The following PPFIBP1 variants were observed in gnomAD, a reference collection of about 807,000 sequenced individuals.
The protein encoded by PPFIBP1 is liprin-beta-1.
A neutral mutation model predicts 137.8 loss-of-function variants in PPFIBP1; 112 were observed. The ratio of observed to expected loss-of-function variants is 0.81; its 90% confidence interval spans 0.70 to 0.95. The LOEUF (loss-of-function observed/expected upper bound fraction) is 0.95. Ranked by LOEUF, PPFIBP1 falls within the 40% of genes least tolerant of loss-of-function variation. The pLI is 0.00. For missense variants in PPFIBP1, 1,083 were observed against 1,196.6 expected (o/e 0.91, Z 1.40); for synonymous variants, 378 against 417.3 (o/e 0.91, Z 1.15).
At chr12:27,568,894 A>T (rs1306821318) in intron 1 of PPFIBP1, among the ~76,000 whole-genome samples, 5 of 152,166 alleles carry the variant, frequency 3.3e-5, no homozygotes, top group Non-Finnish European at 1.5e-5. Flanking sequence ...CTCAAATGTG[A>T]TAAAAATTTA....
At chr12:27,595,677 A>G (rs1272690247) in intron 2 of PPFIBP1, among the ~76,000 whole-genome samples, 2 of 151,974 alleles carry the variant, frequency 1.3e-5, no homozygotes, top group Non-Finnish European at 2.9e-5. Context: ...CAACATGGAG[A>G]AACCCCATCT....
chr12:27,551,260 T>A (rs1946749356), intron 1 of PPFIBP1, among the ~76,000 whole-genome samples: 1 of 151,832 alleles, frequency 6.6e-6, no homozygotes, highest in Non-Finnish European at 1.5e-5. Flanking sequence ...CTTGTGGGGG[T>A]CTGCAGGCAC....
intron 2 of PPFIBP1, among the ~76,000 whole-genome samples, chr12:27,595,178 A>T (rs769036162): frequency 9.2e-5 from 14 of 152,220 alleles, no homozygotes; most frequent in Non-Finnish European, 1.9e-4. Context: ...GACACTTTTT[A>T]GTCCAGCTTT....
At chr12:27,612,885 A>G (rs960921280) in intron 2 of PPFIBP1, among the ~76,000 whole-genome samples, 1 of 152,166 alleles carries the variant, frequency 6.6e-6, no homozygotes, top group Non-Finnish European at 1.5e-5. Context: ...AAAACGTCTT[A>G]TCCCTTCAGA....
intron 2 of PPFIBP1, chr12:27,592,554 G>T: frequency 1.5e-6 from 2 of 1,338,412 alleles, no homozygotes; most frequent in Non-Finnish European, 2.1e-6. Flanking sequence ...GGGGACTCTT[G>T]GTGGCTTTCA....
chr12:27,558,262 T>TTTTTTGTTTG (rs1555192266), intron 1 of PPFIBP1, among the ~76,000 whole-genome samples: 2 of 148,176 alleles, frequency 1.3e-5, no homozygotes, highest in Admixed American at 1.3e-4. Context: ...CTGGGTTTTT[T>TTTTTTGTTTG]TTTTGTTTTG....
intron 15 of PPFIBP1, 89 bp from the exon 16 acceptor site, chr12:27,673,678 C>T (rs1014447791): frequency 5.2e-5 from 57 of 1,105,378 alleles, no homozygotes; most frequent in South Asian, 3.5e-4. Context: ...TCAACCCACA[C>T]GCAATTTTAG....
intron 4 of PPFIBP1, among the ~76,000 whole-genome samples, chr12:27,641,976 A>G (rs1011166522): frequency 2.0e-5 from 3 of 151,438 alleles, no homozygotes; most frequent in Admixed American, 6.6e-5. Flanking sequence ...TAAATAAATA[A>G]ATAAATAGAA....
intron 14 of PPFIBP1, 50 bp from the exon 15 acceptor site, chr12:27,672,377 G>A: frequency 7.1e-7 from 1 of 1,415,728 alleles, no homozygotes; most frequent in Non-Finnish European, 9.9e-7. Context: ...GAACATATAT[G>A]GTCTTTTATT....
At chr12:27,652,461 G>A (rs2058932901) in intron 7 of PPFIBP1, among the ~76,000 whole-genome samples, 1 of 152,212 alleles carries the variant, frequency 6.6e-6, no homozygotes, top group African/African-American at 2.4e-5. Flanking sequence ...TAAAAGGACT[G>A]AACTTCTGAT....
intron 1 of PPFIBP1, among the ~76,000 whole-genome samples, chr12:27,563,701 C>T: frequency 6.6e-6 from 1 of 152,218 alleles, no homozygotes; most frequent in East Asian, 1.9e-4. Flanking sequence ...CCTGGTGGCA[C>T]TACTCCCTCC....
chr12:27,583,009 T>G (rs2051299962), intron 2 of PPFIBP1, among the ~76,000 whole-genome samples: 2 of 152,234 alleles, frequency 1.3e-5, no homozygotes, highest in Non-Finnish European at 2.9e-5. Context: ...ATGCTTGGCT[T>G]GACATAGTTA....
intron 19 of PPFIBP1, among the ~76,000 whole-genome samples, chr12:27,678,368 A>G (rs986899749): frequency 6.6e-6 from 1 of 152,202 alleles, no homozygotes; most frequent in African/African-American, 2.4e-5. Context: ...AAAATTAGGC[A>G]TATCCAGTTC....
chr12:27,648,623 A>T (rs764834714), intron 6 of PPFIBP1, among the ~76,000 whole-genome samples: 6 of 152,226 alleles, frequency 3.9e-5, no homozygotes, highest in Non-Finnish European at 5.9e-5. Context: ...AAATGACTGG[A>T]TAAAGAAAAT....
chr12:27,598,445 G>T (rs1402729803), intron 2 of PPFIBP1, among the ~76,000 whole-genome samples: 1 of 152,026 alleles, frequency 6.6e-6, no homozygotes, highest in Admixed American at 6.6e-5. Flanking sequence ...CCTCCGACTG[G>T]GTCCCTCCCA....
chr12:27,650,704 C>A (rs1395295667), intron 7 of PPFIBP1, among the ~76,000 whole-genome samples: 1 of 152,162 alleles, frequency 6.6e-6, no homozygotes, highest in African/African-American at 2.4e-5. Flanking sequence ...AGGGTACATT[C>A]TGTAACTTGA....
chr12:27,599,432 C>T (rs781024891), intron 2 of PPFIBP1: 5 of 455,500 alleles, frequency 1.1e-5, no homozygotes, highest in Non-Finnish European at 2.2e-5. Context: ...TTCTGGGTCT[C>T]CAGCTTGCAG....
intron 1 of PPFIBP1, among the ~76,000 whole-genome samples, chr12:27,540,064 ATTTT>A (rs147575484): frequency 6.9e-6 from 1 of 144,522 alleles, no homozygotes; most frequent in Admixed American, 6.9e-5. Context: ...CCTATTTTCA[ATTTT>A]TTTTTTTTTT....
chr12:27,644,608 T>C (rs1213386242), intron 4 of PPFIBP1, among the ~76,000 whole-genome samples: 5 of 152,182 alleles, frequency 3.3e-5, no homozygotes, highest in African/African-American at 1.2e-4. Flanking sequence ...CCTTGAGAAG[T>C]TGTGCACAAT....
Sources: gnomAD v4.1 joint callset for allele counts (sites outside exome capture counted in the v4.1 genomes callset) on GRCh38, gnomAD v4.1.1 for gene constraint, MANE v1.5 for transcripts, NCBI Gene and HGNC (gene_info 2026-07-23, HGNC 2026-07-21) for gene names.